Variants in MLKL observed in about 807,000 individuals in gnomAD.
MLKL encodes the protein mixed lineage kinase domain-like protein.
MLKL carries 55 observed loss-of-function variants against 56.5 expected under a neutral mutation model. The ratio of observed to expected loss-of-function variants is 0.97; its 90% CI spans 0.78 to 1.22. MLKL has a LOEUF of 1.22. Ranked by LOEUF, MLKL falls within the 50% of genes most tolerant of loss-of-function variation. MLKL has a pLI of 0.00. For missense variants in MLKL, 694 were observed against 573.9 expected (o/e 1.21, Z -2.14); for synonymous variants, 251 against 208.3 (o/e 1.20, Z -1.76).
chr16:74,685,588 A>C lies in MLKL; in HGVS notation c.723-5T>G, dbSNP rs376005380. On this transcript the variant is annotated splice_region_variant and splice_polypyrimidine_tract_variant and intron_variant, in intron 4 of 10. Transcript: ENST00000308807. ...TTGAAAGTCTGCCTCACTATTCTAT[A>C]AGGATTAAAGAGAGAAATCAGGATT... 5 of 1,606,904 alleles carry C rather than the reference A, an allele frequency of 3.1e-6. No homozygotes were observed. The African/African-American group carries it at 6.7e-5, about 21-fold the overall frequency.
chr16:74,673,515 G>T (rs74567837), intron 10 of MLKL, among the ~76,000 whole-genome samples: 21,052 of 152,104 alleles, frequency 0.14, 1,665 homozygotes, highest in Admixed American at 0.24. Context: ...ACTGCACCCG[G>T]CCCCTTCTCT....
intron 10 of MLKL, among the ~76,000 whole-genome samples, chr16:74,674,401 C>T (rs973795030): frequency 1.1e-4 from 17 of 151,792 alleles, no homozygotes; most frequent in Non-Finnish European, 1.6e-4. Context: ...GATCCACCCA[C>T]CTTGGCCTCG....
rs374403130 is a variant in MLKL at position 74,675,858 on chromosome 16, T to C, written c.1039-94A>G. The C allele has an allele frequency of 6.2e-5, 83 of 1,335,862 alleles. No homozygotes were observed. The African/African-American group carries it at 1.0e-3, about 17-fold the overall frequency. The allele number at this position is 1,335,862 out of a possible 1,614,324, so 82.8% of individuals were successfully genotyped here. On this transcript the variant is annotated intron_variant, in intron 7 of 10. Coordinates refer to ENST00000308807, the MANE Select transcript of MLKL (RefSeq NM_152649.4). ...TTGCTACACACAATTGCCAGGGAATTGTCTTTTACCTTAGGGATTTATTTC... is the reference window on the plus strand; with the variant it reads ...TTGCTACACACAATTGCCAGGGAATCGTCTTTTACCTTAGGGATTTATTTC...
intron 2 of MLKL, among the ~76,000 whole-genome samples, chr16:74,695,089 G>C (rs942479228): frequency 6.6e-6 from 1 of 152,158 alleles, no homozygotes; most frequent in Non-Finnish European, 1.5e-5. Context: ...AGCCAGGATG[G>C]TCTCAGTCTC....
In MLKL at chr16:74,685,517, C is replaced by G. The variant is rs1960272667; in HGVS notation, c.789G>C (p.Leu263=). The part of the protein sequence containing the change: ...TMKKFESPNI[L]RIFGICIDET... The stretch of plus-strand genomic sequence containing the variant: ...CATCAATGCAAATCCCAAATATACG[C>G]AGGATGTTGGGAGATTCGAATTTCT... Residue 263 remains leucine, a synonymous_variant, in exon 5 of 11, where the codon CTG becomes CTC. Coordinates refer to ENST00000308807, the MANE Select transcript of MLKL (RefSeq NM_152649.4). 1 of 1,613,968 alleles carries G rather than the reference C, an allele frequency of 6.2e-7. No homozygotes were observed. Among genetic ancestry groups the G allele is most frequent in the Non-Finnish European group, 8.5e-7 (1 of 1,179,988 alleles).
chr16:74,678,983 G>C lies in MLKL; in HGVS notation c.957-3C>G. On this transcript the variant is annotated splice_polypyrimidine_tract_variant and splice_region_variant and intron_variant, in intron 6 of 10. Transcript: ENST00000308807. ...CAGGTGCTTCTGAATGGTGTAGCCT[G>C]ACACAGCCAAAGGCGGGGAGCATAA... 1.2e-6 allele frequency: 2 copies of C among 1,613,532 alleles called. No individual in the cohort carries two copies. The highest frequency in any genetic ancestry group is 1.7e-6 in the Non-Finnish European group (2 of 1,179,606).
chr16:74,692,065 G>A (rs1597507217), intron 3 of MLKL, among the ~76,000 whole-genome samples: 1 of 152,200 alleles, frequency 6.6e-6, no homozygotes, highest in South Asian at 2.1e-4. Context: ...TGGAAATTCA[G>A]CAACTGAACT....
intron 8 of MLKL, 69 bp from the exon 9 acceptor site, chr16:74,675,473 C>T: frequency 6.3e-7 from 1 of 1,581,692 alleles, no homozygotes; most frequent in South Asian, 1.1e-5. Flanking sequence ...CTAGCCACTG[C>T]CAGAAAACTC....
Position 74,675,662 on chromosome 16 carries a change from C to T in MLKL, c.1141G>A (p.Glu381Lys). ...VKSTAYLSPQ[E>K]LEDVFYQYDV... Reference sequence around the variant, plus strand: ...TATTGATAAAATACATCTTCCAGTTCCTGAGGTGAGAGATATGCTGTAGAT... The same window carrying T: ...TATTGATAAAATACATCTTCCAGTTTCTGAGGTGAGAGATATGCTGTAGAT... Residue 381 changes from glutamate (E) to lysine (K), a missense_variant, in exon 8 of 11, where the codon GAA (glutamate) becomes AAA (lysine). Physicochemically the swap from Glu to Lys is moderately conservative, Grantham distance 56. Coordinates refer to ENST00000308807, the MANE Select transcript of MLKL (RefSeq NM_152649.4). The T allele has an allele frequency of 1.2e-6, 2 of 1,614,032 alleles. No homozygotes were observed. Among genetic ancestry groups the T allele is most frequent in the Non-Finnish European group, 1.7e-6 (2 of 1,179,998 alleles).
At chr16:74,676,187 G>A (rs1287061131) in intron 7 of MLKL, 24 of 966,130 alleles carry the variant, frequency 2.5e-5, no homozygotes, top group East Asian at 1.1e-4. Flanking sequence ...GAAGCAGATG[G>A]AAAAATGGCA....
At chr16:74,684,392 C>A (rs1389388557) in intron 5 of MLKL, among the ~76,000 whole-genome samples, 1 of 119,424 alleles carries the variant, frequency 8.4e-6, no homozygotes, top group African/African-American at 3.2e-5. Context: ...CAGGAGGGGT[C>A]ATTCCATGAG....
At chr16:74,694,672 A>G (rs901406517) in intron 2 of MLKL, among the ~76,000 whole-genome samples, 5 of 152,110 alleles carry the variant, frequency 3.3e-5, no homozygotes, top group Non-Finnish European at 7.4e-5. Flanking sequence ...CGGGAGCCTG[A>G]GGTGGGAGGA....
Position 74,695,291 on chromosome 16 carries a change from A to G in MLKL, c.460+7T>C. Reference sequence around the variant, plus strand: ...CACTCCCACTCCCCACCAAAGACCCAGCTTGCCTCTTCTTAGCATCTGGAA... The same window carrying G: ...CACTCCCACTCCCCACCAAAGACCCGGCTTGCCTCTTCTTAGCATCTGGAA... On this transcript the variant is annotated splice_region_variant and intron_variant, in intron 2 of 10. Coordinates refer to ENST00000308807, the MANE Select transcript of MLKL (RefSeq NM_152649.4). 4.3e-6 allele frequency: 7 copies of G among 1,612,140 alleles called. No homozygotes were observed. Among genetic ancestry groups the G allele is most frequent in the Non-Finnish European group, 5.9e-6 (7 of 1,179,006 alleles).
chr16:74,676,279 C>A (rs945407160), intron 7 of MLKL: 28 of 987,732 alleles, frequency 2.8e-5, no homozygotes, highest in Non-Finnish European at 3.4e-5. Context: ...TGTGAGTCAT[C>A]CCCCCAGGCC....
chr16:74,691,353 T>C lies in MLKL; in HGVS notation c.646A>G (p.Thr216Ala), dbSNP rs770041469. 4.3e-6 allele frequency: 7 copies of C among 1,614,078 alleles called. No individual in the cohort carries two copies. The highest frequency in any genetic ancestry group is 5.9e-6 in the Non-Finnish European group (7 of 1,180,020). The change falls in exon 4 of 11, where the codon ACA becomes GCA. Residue 216 changes from threonine (T) to alanine (A), a missense_variant. Coordinates refer to ENST00000308807, the MANE Select transcript of MLKL (RefSeq NM_152649.4). ...WILLRENEVS[T>A]LYKGEYHRAP... ...CTGTGGTATTCTCCTTTATAAAGTG[T>C]GCTGACTTCATTTTCCCTTAGCAGA...
chr16:74,682,858 C>T, intron 5 of MLKL, 72 bp from the exon 6 acceptor site: 3 of 1,555,828 alleles, frequency 1.9e-6, no homozygotes, highest in Non-Finnish European at 2.6e-6. Flanking sequence ...GCCCACCTCT[C>T]CCAGCCTCGG....
chr16:74,682,406 T>G (rs1960030414), intron 6 of MLKL, among the ~76,000 whole-genome samples: 1 of 152,182 alleles, frequency 6.6e-6, no homozygotes. Flanking sequence ...CACTCCAAAA[T>G]TAGGGCTCAT....
chr16:74,694,974 G>C (rs985156797), intron 2 of MLKL, among the ~76,000 whole-genome samples: 2 of 152,134 alleles, frequency 1.3e-5, no homozygotes, highest in African/African-American at 4.8e-5. Context: ...CCGGGTTCAC[G>C]CTGTTCTCCT....
At chr16:74,676,160 G>C in intron 7 of MLKL, 1 of 784,878 alleles carries the variant, frequency 1.3e-6, no homozygotes, top group Non-Finnish European at 1.6e-6. Context: ...CCACTGCCTG[G>C]CTCGCCTTTT....
Sources: gnomAD v4.1 joint callset for allele counts (sites outside exome capture counted in the v4.1 genomes callset) on GRCh38, gnomAD v4.1.1 for gene constraint, MANE v1.5 for transcripts, NCBI Gene and HGNC (gene_info 2026-07-23, HGNC 2026-07-21) for gene names.